Variants in PPIG observed in about 807,000 individuals in gnomAD.
PPIG encodes the protein peptidyl-prolyl cis-trans isomerase G.
PPIG carries 26 observed loss-of-function variants against 87.9 expected under a neutral mutation model. That is an observed-to-expected ratio of 0.30 (90% CI 0.22 to 0.41). PPIG has a LOEUF of 0.41. Among genes scored for constraint, PPIG ranks in the 10% least tolerant of loss-of-function variants. The probability of loss-of-function intolerance (pLI) is 1.00; values close to 1 mark genes in which losing one functional copy is unlikely to be tolerated. For synonymous variants in PPIG, 308 were observed against 276.5 expected (o/e 1.11, Z -1.13); for missense variants, 722 against 879.4 (o/e 0.82, Z 2.26).
intron 1 of PPIG, among the ~76,000 whole-genome samples, chr2:169,591,846 G>T (rs778066621): frequency 8.0e-5 from 12 of 149,574 alleles, no homozygotes; most frequent in African/African-American, 3.0e-4. Context: ...CAAATTTGCA[G>T]CAAACAAATC....
chr2:169,590,457 G>C (rs1201590427), intron 1 of PPIG, among the ~76,000 whole-genome samples: 1 of 152,018 alleles, frequency 6.6e-6, no homozygotes, highest in African/African-American at 2.4e-5. Context: ...TAGCTAACAC[G>C]GTGAAACCCC....
intron 1 of PPIG, among the ~76,000 whole-genome samples, chr2:169,588,355 T>C (rs1684764361): frequency 6.6e-6 from 1 of 152,172 alleles, no homozygotes. Context: ...GTGGAATATT[T>C]GTGAGTAAAC....
chr2:169,593,005 AT>A (rs945842900), intron 1 of PPIG, among the ~76,000 whole-genome samples: 1 of 151,984 alleles, frequency 6.6e-6, no homozygotes, highest in Admixed American at 6.6e-5. Flanking sequence ...GGCATATGTG[AT>A]TTGTCATTTC....
chr2:169,631,732 C>A, intron 10 of PPIG, 34 bp from the exon 11 acceptor site: 1 of 1,612,814 alleles, frequency 6.2e-7, no homozygotes, highest in South Asian at 1.1e-5. Context: ...TAATAACCAA[C>A]TGTAACTTGT....
intron 9 of PPIG, among the ~76,000 whole-genome samples, chr2:169,622,276 A>C (rs1355461189): frequency 6.6e-6 from 1 of 152,198 alleles, no homozygotes; most frequent in African/African-American, 2.4e-5. Flanking sequence ...AAAAAAAAGA[A>C]GTTTGCATTT....
chr2:169,635,092 A>G (rs904741432), intron 12 of PPIG, among the ~76,000 whole-genome samples: 3 of 152,250 alleles, frequency 2.0e-5, no homozygotes, highest in African/African-American at 7.2e-5. Flanking sequence ...ATATTGTGAT[A>G]TTATTATGAA....
At chr2:169,613,078 A>AAT (rs1448600308) in intron 7 of PPIG, among the ~76,000 whole-genome samples, 1 of 152,232 alleles carries the variant, frequency 6.6e-6, no homozygotes, top group Non-Finnish European at 1.5e-5. Flanking sequence ...TGGGATTACA[A>AAT]ATAAGTTTTA....
intron 13 of PPIG, 69 bp downstream of exon 13, chr2:169,636,297 A>G (rs1453895051): frequency 2.0e-6 from 3 of 1,498,928 alleles, no homozygotes; most frequent in African/African-American, 1.4e-5. Flanking sequence ...ACATAAAGTT[A>G]TTGTCATTTT....
At chr2:169,603,794 A>G (rs550845732) in intron 2 of PPIG, 100 bp downstream of exon 2, 45 of 507,860 alleles carry the variant, frequency 8.9e-5, no homozygotes, top group Non-Finnish European at 1.4e-4. Flanking sequence ...AGTTGATTAC[A>G]TAATAATGGT....
intron 1 of PPIG, 154 bp downstream of exon 1, chr2:169,584,644 C>A (rs1183670913): frequency 1.2e-5 from 5 of 406,270 alleles, no homozygotes; most frequent in Admixed American, 3.6e-5. Context: ...CTGCTTGGGC[C>A]CAGAGGAAGT....
intron 9 of PPIG, among the ~76,000 whole-genome samples, chr2:169,623,995 T>A (rs879537450): frequency 1.3e-5 from 2 of 152,174 alleles, no homozygotes; most frequent in Non-Finnish European, 2.9e-5. Flanking sequence ...TTTGAGACTG[T>A]CTTGTTCTGT....
At chr2:169,627,073 A>T (rs1685907166) in intron 9 of PPIG, among the ~76,000 whole-genome samples, 1 of 152,044 alleles carries the variant, frequency 6.6e-6, no homozygotes, top group Non-Finnish European at 1.5e-5. Context: ...CTATAAAAAC[A>T]GTTATAAATC....
chr2:169,628,018 G>A (rs1685939009), intron 9 of PPIG, among the ~76,000 whole-genome samples: 1 of 151,812 alleles, frequency 6.6e-6, no homozygotes, highest in African/African-American at 2.4e-5. Context: ...TATTAGTTTA[G>A]CATATATAAG....
Position 169,597,855 on chromosome 2 carries a change from CTTGTTTGTTTGTTTGTTTGT to C in PPIG, c.-69-5767_-69-5748del, listed in dbSNP as rs56851989. 6.6e-5 allele frequency among the ~76,000 whole-genome samples: 10 copies of C among 150,830 alleles called. No individual in the cohort carries two copies. In the East Asian group the frequency reaches 1.2e-3, roughly 18 times the overall value. On this transcript the variant is annotated intron_variant, in intron 1 of 13. Transcript: ENST00000260970. ...ATATCCTACACACTTCTGTACCTTGCTTGTTTGTTTGTTTGTTTGTTTGTTTGTTTGTTTGTTTGAAATAG... is the reference window on the plus strand; with the variant it reads ...ATATCCTACACACTTCTGTACCTTGCTTGTTTGTTTGTTTGTTTGAAATAG...
At chr2:169,634,428 A>T (rs1686133162) in intron 12 of PPIG, among the ~76,000 whole-genome samples, 1 of 151,586 alleles carries the variant, frequency 6.6e-6, no homozygotes, top group Non-Finnish European at 1.5e-5. Context: ...CACTGCATAT[A>T]CTCCTTGAGC....
intron 2 of PPIG, 108 bp downstream of exon 2, chr2:169,603,802 G>T (rs1027947957): frequency 1.5e-5 from 8 of 531,674 alleles, no homozygotes; most frequent in South Asian, 2.4e-5. Context: ...ACATAATAAT[G>T]GTTAAGGCTT....
intron 1 of PPIG, among the ~76,000 whole-genome samples, chr2:169,593,488 AAAG>A (rs1574435921): frequency 6.6e-6 from 1 of 152,216 alleles, no homozygotes; most frequent in East Asian, 1.9e-4. Flanking sequence ...AGAAAACTAG[AAAG>A]AAGTAGTGAG....
At chr2:169,606,591 C>CAAAAAAAAAAAAAAAAAAAAAA (rs71006009) in intron 5 of PPIG, among the ~76,000 whole-genome samples, 20 of 85,016 alleles carry the variant, frequency 2.4e-4, no homozygotes, top group African/African-American at 2.2e-4. Context: ...GACTCTGTCT[C>CAAAAAAAAAAAAAAAAAAAAAA]AAAAAAAAAA....
chr2:169,627,442 A>C (rs1685919120), intron 9 of PPIG, among the ~76,000 whole-genome samples: 1 of 152,228 alleles, frequency 6.6e-6, no homozygotes, highest in South Asian at 2.1e-4. Context: ...TGTTTTCTTC[A>C]AAAGTGATAT....
Sources: allele counts gnomAD v4.1 joint callset (sites outside exome capture counted in the v4.1 genomes callset), GRCh38; gene constraint gnomAD v4.1.1; transcripts MANE v1.5; gene names NCBI Gene and HGNC (gene_info 2026-07-23, HGNC 2026-07-21).